AKAP9: variants seen among roughly 807,000 people sequenced by gnomAD.
AKAP9 encodes the protein A-kinase anchoring protein 9.
A neutral mutation model predicts 488.5 loss-of-function variants in AKAP9; 311 were observed. That is an observed-to-expected ratio of 0.64 (90% CI 0.58 to 0.70). The LOEUF (loss-of-function observed/expected upper bound fraction) is 0.70, where lower values mean the gene tolerates loss of function less well. Among genes scored for constraint, AKAP9 ranks in the 30% least tolerant of loss-of-function variants. The pLI is 0.00. For missense variants in AKAP9, 4,215 were observed against 4,374.5 expected (o/e 0.96, Z 1.03); for synonymous variants, 1,462 against 1,483.5 (o/e 0.99, Z 0.33).
intron 28 of AKAP9, among the ~76,000 whole-genome samples, chr7:92,072,655 G>A (rs1443468328): frequency 6.6e-6 from 1 of 152,058 alleles, no homozygotes; most frequent in Non-Finnish European, 1.5e-5. Context: ...CTAAAAGAAA[G>A]GAGTTTTAGA....
At chr7:92,070,779 A>G (rs1360222859) in intron 27 of AKAP9, 126 bp from the exon 28 acceptor site, 16 of 708,272 alleles carry the variant, frequency 2.3e-5, no homozygotes, top group Non-Finnish European at 3.3e-5. Flanking sequence ...TTCTACTTCT[A>G]ATTGGAGAAA....
rs749082483 is a variant in AKAP9, at chr7:92,085,662, G to T, written c.9000G>T (p.Lys3000Asn). ...CATCTCTAAAGGATTTAATTACAAA[G>T]ATGCAACTGCAAAGAGAAGCCGAGG... ...TISSLKDLIT[K>N]MQLQREAEVY... Residue 3000 changes from lysine to asparagine, a missense_variant, in exon 36 of 50, where the codon AAG becomes AAT. By Grantham distance (94) the Lys-to-Asn change is moderately conservative. Around this residue, in one of 5 missense-constraint regions of AKAP9, gnomAD observed 1,476 missense variants for 1,477.4 expected, o/e 1.00. Coordinates refer to ENST00000356239, the MANE Select transcript of AKAP9 (RefSeq NM_005751.5). 6.8e-6 allele frequency: 11 copies of T among 1,613,046 alleles called. No homozygotes were observed. Among genetic ancestry groups the T allele is most frequent in the East Asian group, 2.2e-5 (1 of 44,870 alleles).
At chr7:91,941,209 G>C (rs1190624054) in intron 1 of AKAP9, 62 bp downstream of exon 1, 1 of 1,532,484 alleles carries the variant, frequency 6.5e-7, no homozygotes, top group African/African-American at 1.4e-5. Context: ...GGGGTGGGAG[G>C]GGGCCTGGGA....
At chr7:92,060,524 G>C (rs1809587004) in intron 22 of AKAP9, among the ~76,000 whole-genome samples, 1 of 152,152 alleles carries the variant, frequency 6.6e-6, no homozygotes, top group African/African-American at 2.4e-5. Flanking sequence ...TTTAGTAGCA[G>C]TGATCAAGAG....
chr7:92,051,429 TA>T (rs1807966813), intron 21 of AKAP9, among the ~76,000 whole-genome samples: 1 of 152,236 alleles, frequency 6.6e-6, no homozygotes, highest in African/African-American at 2.4e-5. Flanking sequence ...ATGTGTTTTT[TA>T]CTTTGGAGAA....
chr7:92,066,597 A>G (rs1000539435), intron 26 of AKAP9, 51 bp downstream of exon 26: 23 of 1,601,750 alleles, frequency 1.4e-5, no homozygotes, highest in Non-Finnish European at 2.0e-5. Context: ...TATCAAGTGT[A>G]AAATAAGATG....
chr7:92,102,488 TACCACC>T (rs67203467), intron 45 of AKAP9, 100 bp from the exon 46 acceptor site: 127 of 540,970 alleles, frequency 2.3e-4, no homozygotes, highest in African/African-American at 3.8e-4. Context: ...CTACTACTAC[TACCACC>T]ACCACCACCA....
Position 92,083,575 on chromosome 7 carries a change from G to T in AKAP9, c.8566G>T (p.Glu2856Ter). 6.2e-7 allele frequency: 1 copy of T among 1,602,410 alleles called. No individual in the cohort carries two copies. Among genetic ancestry groups the T allele is most frequent in the Middle Eastern group, 1.7e-4 (1 of 5,980 alleles). The change falls in exon 33 of 50, where the codon GAA (glutamate) becomes TAA (stop). Residue 2856 changes from glutamate to a stop codon, truncating the protein, a stop_gained. Coordinates refer to ENST00000356239, the MANE Select transcript of AKAP9 (RefSeq NM_005751.5). LOFTEE classifies it high-confidence loss of function. Reference protein sequence around the residue: ...HISETETLKREHYVAVQLLKE... With the variant: ...HISETETLKR ...TTCAGAAACTGAAACCTTAAAGAGG[G>T]AACACTATGTTGCCGTTCAGTTACT...
At chr7:92,085,154 C>T (rs1814301046) in intron 35 of AKAP9, among the ~76,000 whole-genome samples, 1 of 152,068 alleles carries the variant, frequency 6.6e-6, no homozygotes, top group Admixed American at 6.5e-5. Context: ...CTTAATAATT[C>T]TTATTCCTGA....
chr7:92,067,651 A>G (rs773237728), intron 26 of AKAP9, among the ~76,000 whole-genome samples: 7 of 152,204 alleles, frequency 4.6e-5, no homozygotes, highest in African/African-American at 7.2e-5. Flanking sequence ...AAACATAGTC[A>G]AAACTCCACA....
At chr7:91,986,265 G>C (rs1372406755) in intron 3 of AKAP9, among the ~76,000 whole-genome samples, 2 of 152,188 alleles carry the variant, frequency 1.3e-5, no homozygotes, top group African/African-American at 4.8e-5. Flanking sequence ...GCGCAGTATT[G>C]GGCGGGAGTG....
intron 38 of AKAP9, chr7:92,090,366 T>G (rs1815321383): frequency 6.6e-6 from 1 of 152,298 alleles, no homozygotes; most frequent in Admixed American, 6.5e-5. Context: ...GGCTTACACC[T>G]GTAATCCCAG....
At position 91,993,073 on chromosome 7, in the gene AKAP9, G is replaced by T. The variant is rs1428653311; in HGVS notation, c.576+18G>T. 9 of 1,613,620 alleles carry T rather than the reference G, an allele frequency of 5.6e-6. No individual in the cohort carries two copies. In the African/African-American group the frequency reaches 1.2e-4, roughly 22 times the overall value. On this transcript the variant is annotated intron_variant, in intron 5 of 49. Coordinates refer to ENST00000356239, the MANE Select transcript of AKAP9 (RefSeq NM_005751.5). Reference sequence around the variant, plus strand: ...TGCAGCAGGTATGTTTATTTTCTGTGGCTTTTGATTTGCTACTCACAAAAA... The same window carrying T: ...TGCAGCAGGTATGTTTATTTTCTGTTGCTTTTGATTTGCTACTCACAAAAA...
At chr7:91,943,448 C>T (rs1327579718) in intron 1 of AKAP9, among the ~76,000 whole-genome samples, 5 of 152,066 alleles carry the variant, frequency 3.3e-5, no homozygotes, top group South Asian at 4.1e-4. Flanking sequence ...ATTCAGCAAA[C>T]GTATATTGAA....
intron 21 of AKAP9, among the ~76,000 whole-genome samples, chr7:92,046,753 A>T (rs1403285571): frequency 6.6e-6 from 1 of 152,216 alleles, no homozygotes; most frequent in Non-Finnish European, 1.5e-5. Context: ...GTCTGATAAA[A>T]GTGTTTATCA....
intron 1 of AKAP9, among the ~76,000 whole-genome samples, chr7:91,958,194 T>G (rs1793294690): frequency 6.6e-6 from 1 of 152,226 alleles, no homozygotes; most frequent in African/African-American, 2.4e-5. Flanking sequence ...CAGCAGTTCT[T>G]TTATTTTTTA....
chr7:92,096,342 T>C (rs184332017), intron 40 of AKAP9, among the ~76,000 whole-genome samples: 1 of 146,748 alleles, frequency 6.8e-6, no homozygotes, highest in African/African-American at 2.7e-5. Flanking sequence ...TTGTTTTTTT[T>C]TTTTTTTTTG....
rs1306705083 is a variant in AKAP9, at chr7:92,002,979, A to T, written c.3062A>T (p.Asp1021Val). The change falls in exon 8 of 50, where the codon GAT becomes GTT. Residue 1021 changes from aspartate (D) to valine (V), a missense_variant. Physicochemically the swap from Asp to Val is radical, Grantham distance 152. Transcript: ENST00000356239. The stretch of plus-strand genomic sequence containing the variant: ...GATACTCAAGTAAGCTCTTTATTAG[A>T]TGGAGTTGTGACCATGACAAGCAGG... ...SCDTQVSSLL[D>V]GVVTMTSRGA... is the part of the protein sequence containing the mutation. 6.2e-7 allele frequency: 1 copy of T among 1,613,404 alleles called. No homozygotes were observed. Among genetic ancestry groups the T allele is most frequent in the Middle Eastern group, 1.7e-4 (1 of 6,054 alleles).
intron 1 of AKAP9, among the ~76,000 whole-genome samples, chr7:91,958,880 T>C (rs7781597): frequency 0.39 from 57,788 of 149,298 alleles, 11,323 homozygotes; most frequent in African/African-American, 0.44. Context: ...AAAACATCAT[T>C]ATTATTATTA....
Sources: allele counts gnomAD v4.1 joint callset (sites outside exome capture counted in the v4.1 genomes callset), GRCh38; gene constraint gnomAD v4.1.1; regional missense constraint gnomAD v4.1.1; transcripts MANE v1.5; gene names NCBI Gene and HGNC (gene_info 2026-07-23, HGNC 2026-07-21).